GDF1: variants seen among roughly 807,000 people sequenced by gnomAD.
GDF1 encodes embryonic growth/differentiation factor 1.
GDF1 carries 8 observed loss-of-function variants against 7.4 expected under a neutral mutation model. The observed-to-expected ratio is 1.09, with a 90% CI of 0.64 to 1.96. The LOEUF (loss-of-function observed/expected upper bound fraction) is 1.96. Among genes scored for constraint, GDF1 ranks in the 30% most tolerant of loss-of-function variants. The pLI is 0.00. For missense variants in GDF1, 574 were observed against 551.5 expected (o/e 1.04, Z -0.41); for synonymous variants, 311 against 276.7 (o/e 1.12, Z -1.23).
At chr19:18,877,978 T>C in intron 6 of GDF1, 1 of 985,450 alleles carries the variant, frequency 1.0e-6, no homozygotes, top group Non-Finnish European at 1.2e-6. Context: ...GGGTTCTCCC[T>C]TCCAAACAGG....
Position 18,870,080 on chromosome 19 carries a change from A to G in GDF1, c.228T>C (p.Ser76=). The part of the protein sequence containing the change: ...FRRRDPQETR[S]GSRRTSPGVT... The stretch of plus-strand genomic sequence containing the variant: ...CCCCTGGGGACGTCCGCCGCGAGCC[A>G]GACCTGGTCTCCTGGGGGTCCCGGC... The change falls in exon 7 of 8, where the codon TCT becomes TCC. Residue 76 remains serine (S), a synonymous_variant. Transcript: ENST00000247005. The surrounding 1 kb of genome is among the most constrained non-coding windows in gnomAD (Gnocchi z 5.1). 1 of 1,580,860 alleles carries G rather than the reference A, an allele frequency of 6.3e-7. No individual in the cohort carries two copies.
intron 6 of GDF1, among the ~76,000 whole-genome samples, chr19:18,876,495 C>A (rs2056062492): frequency 6.6e-6 from 1 of 151,614 alleles, no homozygotes; most frequent in African/African-American, 2.4e-5. Context: ...GTGTGTGCCA[C>A]AACACATGGC....
chr19:18,886,765 C>T (rs1274996730), intron 2 of GDF1, among the ~76,000 whole-genome samples: 1 of 152,150 alleles, frequency 6.6e-6, no homozygotes, highest in Admixed American at 6.6e-5. Context: ...CTCCAGATGC[C>T]CCATGAACCG....
Position 18,869,589 on chromosome 19 carries a change from G to A in GDF1, c.326-199C>T, listed in dbSNP as rs921943644. On this transcript the variant is annotated intron_variant, in intron 7 of 7. Coordinates refer to ENST00000247005, the MANE Select transcript of GDF1 (RefSeq NM_001492.6). The stretch of plus-strand genomic sequence containing the variant: ...GAAGGCGCCCTGCGGGGTGCGGCGG[G>A]GGGGGTGGGCTGCCCTCGGCGGGGG... 1.3e-5 allele frequency among the ~76,000 whole-genome samples: 2 copies of A among 151,148 alleles called. 1 individual carries two copies. Among genetic ancestry groups the A allele is most frequent in the East Asian group, 3.9e-4 (2 of 5,088 alleles).
At position 18,868,702 on chromosome 19, in the gene GDF1, C is replaced by G. The variant is rs762069368; in HGVS notation, c.1014G>C (p.Val338=). 3.9e-6 allele frequency: 6 copies of G among 1,555,104 alleles called. No homozygotes were observed. The highest frequency in any genetic ancestry group is 1.2e-5 in the South Asian group (1 of 84,708). The change falls in exon 8 of 8, where the codon GTG becomes GTC. Residue 338 remains valine, a synonymous_variant. Transcript: ENST00000247005. ...APGAADLPCC[V]PARLSPISVL... ...CGGAGATGGGCGACAGGCGCGCGGG[C>G]ACGCAGCAGGGCAGGTCGGCGGCTC...
In GDF1 at chr19:18,878,633, C is replaced by T; in HGVS notation, c.-313+297G>A. The T allele has an allele frequency of 8.2e-7, 1 of 1,216,336 alleles. No individual in the cohort carries two copies. Among genetic ancestry groups the T allele is most frequent in the Middle Eastern group, 3.4e-4 (1 of 2,928 alleles). 75.3% of individuals were successfully genotyped at this position (1,216,336 alleles called of 1,614,324 possible). ...TCACCACCCACAGGGCCCTGGCTCG[C>T]CACTCCCGCCACACCAGCCACTAGG... On this transcript the variant is annotated intron_variant, in intron 6 of 7. Transcript: ENST00000247005. This position sits in a 1 kb window ranked among gnomAD's most constrained non-coding sequence, Gnocchi z 4.6.
chr19:18,876,554 G>GTT (rs1201520478), intron 6 of GDF1, among the ~76,000 whole-genome samples: 2 of 151,234 alleles, frequency 1.3e-5, no homozygotes. Flanking sequence ...GTGTGTGTGT[G>GTT]TGTGTGTGTG....
At chr19:18,885,411 G>C (rs1251185928) in intron 2 of GDF1, among the ~76,000 whole-genome samples, 2 of 151,496 alleles carry the variant, frequency 1.3e-5, no homozygotes, top group African/African-American at 4.9e-5. Flanking sequence ...TGCCCAGGGT[G>C]ATCTCGAACT....
At chr19:18,875,416 G>A (rs924565071) in intron 6 of GDF1, among the ~76,000 whole-genome samples, 7 of 151,916 alleles carry the variant, frequency 4.6e-5, no homozygotes, top group African/African-American at 1.4e-4. Flanking sequence ...GGTGACACAC[G>A]CCTGTAGTCC....
chr19:18,869,428 T>C (rs2055921036), intron 7 of GDF1, 38 bp from the exon 8 acceptor site: 3 of 1,517,418 alleles, frequency 2.0e-6, no homozygotes, highest in South Asian at 2.4e-5. Context: ...TCGCGCTGCG[T>C]CCCCGGCCTG....
chr19:18,884,382 G>T, intron 2 of GDF1, 115 bp from the exon 3 acceptor site: 1 of 937,976 alleles, frequency 1.1e-6, no homozygotes, highest in Non-Finnish European at 1.5e-6. Context: ...AGGTAACCAT[G>T]CGTGTCTGAC....
rs770513527 is a variant in GDF1, at chr19:18,878,963, G to A, written c.-346C>T. The A allele has an allele frequency of 5.6e-6, 9 of 1,613,658 alleles. No homozygotes were observed. On this transcript the variant is annotated 5_prime_UTR_variant, in exon 6 of 8. Coordinates refer to ENST00000247005, the MANE Select transcript of GDF1 (RefSeq NM_001492.6). The surrounding 1 kb of genome is among the most constrained non-coding windows in gnomAD (Gnocchi z 4.6). ...GCTGGGCTTCAGGCTCTGGGCCTCG[G>A]CTGTGTCATACTCCCGCAGGTCCTT... is the stretch of plus-strand genomic sequence containing the variant.
At chr19:18,873,384 C>T (rs1271075062) in intron 6 of GDF1, among the ~76,000 whole-genome samples, 2 of 151,904 alleles carry the variant, frequency 1.3e-5, no homozygotes, top group African/African-American at 4.8e-5. Context: ...AGAGACAGAG[C>T]AGGAGTGCAG....
intron 2 of GDF1, among the ~76,000 whole-genome samples, chr19:18,887,232 T>C (rs1219262141): frequency 6.6e-6 from 1 of 152,162 alleles, no homozygotes; most frequent in Non-Finnish European, 1.5e-5. Context: ...AACATGATGC[T>C]GAGTAAGAGA....
rs756972470 is a variant in GDF1 at position 18,868,856 on chromosome 19, G to A, written c.860C>T (p.Ala287Val). The A allele has an allele frequency of 1.4e-6, 2 of 1,445,902 alleles. No individual in the cohort carries two copies. The highest frequency in any genetic ancestry group is 1.8e-6 in the Non-Finnish European group (2 of 1,091,734). The allele number at this position is 1,445,902 out of a possible 1,614,324, so 89.6% of individuals were successfully genotyped here. Reference protein sequence around the residue: ...REVGWHRWVIAPRGFLANYCQ... With the variant: ...REVGWHRWVIVPRGFLANYCQ... ...GTAGTTGGCCAGGAAGCCGCGCGGC[G>A]CGATGACCCAGCGGTGCCAGCCCAC... Residue 287 changes from alanine to valine, a missense_variant, in exon 8 of 8, where the codon GCG becomes GTG. Coordinates refer to ENST00000247005, the MANE Select transcript of GDF1 (RefSeq NM_001492.6).
chr19:18,893,981 G>A (rs755336128), intron 1 of GDF1, among the ~76,000 whole-genome samples: 2 of 151,982 alleles, frequency 1.3e-5, no homozygotes, highest in Non-Finnish European at 2.9e-5. Flanking sequence ...AGAGCCCCAT[G>A]GGACCGACAC....
chr19:18,882,414 C>G (rs546384960), intron 3 of GDF1, among the ~76,000 whole-genome samples: 3 of 151,584 alleles, frequency 2.0e-5, no homozygotes, highest in East Asian at 4.1e-4. Context: ...AGGTGGATCA[C>G]TTGAGGTCAG....
Position 18,896,077 on chromosome 19 carries a change from C to T in GDF1, c.-1327G>A. The T allele has an allele frequency of 1.0e-6, 1 of 959,462 alleles. No homozygotes were observed. 59.4% of individuals were successfully genotyped at this position (959,462 alleles called of 1,614,324 possible). A position where few individuals can be genotyped will look rare whatever the true frequency, so the allele number is the denominator to read the frequency against. ...CGCGGGCCCCGCCGCCGCCATACCG[C>T]CCGCTCGCCCGCCGTGCCCGTCGCC... is the stretch of plus-strand genomic sequence containing the variant. On this transcript the variant is annotated 5_prime_UTR_variant, in exon 1 of 8. Coordinates refer to ENST00000247005, the MANE Select transcript of GDF1 (RefSeq NM_001492.6). This position sits in a 1 kb window ranked among gnomAD's most constrained non-coding sequence, Gnocchi z 5.9.
intron 6 of GDF1, among the ~76,000 whole-genome samples, chr19:18,872,356 GTTTT>G (rs578111753): frequency 6.6e-6 from 1 of 150,760 alleles, no homozygotes; most frequent in African/African-American, 2.4e-5. Context: ...TTCTTGTTTT[GTTTT>G]TTTTTGAGAT....
Sources: allele counts gnomAD v4.1 joint callset (sites outside exome capture counted in the v4.1 genomes callset), GRCh38; gene constraint gnomAD v4.1.1; non-coding constraint Gnocchi (gnomAD v3.1); transcripts MANE v1.5; gene names NCBI Gene and HGNC (gene_info 2026-07-23, HGNC 2026-07-21).